CNTNAP2: variants seen among roughly 807,000 people sequenced by gnomAD.
CNTNAP2 encodes the protein contactin-associated protein-like 2.
In CNTNAP2, 98 loss-of-function variants were observed where a neutral mutation model predicts 155.2. That is an observed-to-expected ratio of 0.63 (90% CI 0.54 to 0.75). The LOEUF (loss-of-function observed/expected upper bound fraction) is 0.75, where lower values mean the gene tolerates loss of function less well. Ranked by LOEUF, CNTNAP2 falls within the 30% of genes least tolerant of loss-of-function variation. CNTNAP2 has a pLI of 0.00. For synonymous variants in CNTNAP2, 651 were observed against 631.2 expected, an observed-to-expected ratio of 1.03 and a Z score of -0.47; for missense variants, 1,727 against 1,688.1, an observed-to-expected ratio of 1.02 and a Z score of -0.40.
At chr7:146,489,458 T>C (rs1199451010) in intron 1 of CNTNAP2, among the ~76,000 whole-genome samples, 1 of 152,184 alleles carries the variant, frequency 6.6e-6, no homozygotes, top group African/African-American at 2.4e-5. Flanking sequence ...CTATAAAATA[T>C]AACTAAGTTT....
At chr7:146,611,577 A>T (rs1799138081) in intron 1 of CNTNAP2, among the ~76,000 whole-genome samples, 1 of 152,184 alleles carries the variant, frequency 6.6e-6, no homozygotes, top group African/African-American at 2.4e-5. Flanking sequence ...GCAAAGATTC[A>T]TGGTCATTGA....
intron 11 of CNTNAP2, among the ~76,000 whole-genome samples, chr7:147,502,527 G>C (rs74497508): frequency 6.6e-6 from 1 of 152,070 alleles, no homozygotes; most frequent in Non-Finnish European, 1.5e-5. Flanking sequence ...TTGATCAAAA[G>C]GTACAAACTT....
chr7:146,930,262 G>T (rs1796717633), intron 3 of CNTNAP2, among the ~76,000 whole-genome samples: 1 of 152,188 alleles, frequency 6.6e-6, no homozygotes, highest in South Asian at 2.1e-4. Flanking sequence ...CTACAAGCCA[G>T]AAGAGAGTGG....
At chr7:146,944,090 A>T (rs1176581201) in intron 3 of CNTNAP2, among the ~76,000 whole-genome samples, 1 of 151,960 alleles carries the variant, frequency 6.6e-6, no homozygotes, top group Non-Finnish European at 1.5e-5. Context: ...TGAACTTTTC[A>T]TACTAGATTT....
intron 14 of CNTNAP2, among the ~76,000 whole-genome samples, chr7:147,955,455 C>A (rs1261194583): frequency 6.6e-6 from 1 of 152,052 alleles, no homozygotes; most frequent in African/African-American, 2.4e-5. Flanking sequence ...CCATTACACA[C>A]CCATGAGTGA....
intron 1 of CNTNAP2, among the ~76,000 whole-genome samples, chr7:146,426,649 G>C (rs9771006): frequency 0.29 from 42,342 of 144,220 alleles, 6,331 homozygotes; most frequent in Admixed American, 0.43. Context: ...GCAAAACACA[G>C]TGAAACTTAC....
intron 1 of CNTNAP2, among the ~76,000 whole-genome samples, chr7:146,605,632 G>A (rs983105311): frequency 5.3e-5 from 8 of 152,146 alleles, no homozygotes; most frequent in Non-Finnish European, 1.5e-5. Flanking sequence ...TAATAATCAT[G>A]CTGAAGTATT....
rs1331987950 is a variant in CNTNAP2 at position 148,283,299 on chromosome 7, GAAA to G, written c.3475+16174_3475+16176del. On this transcript the variant is annotated intron_variant, in intron 21 of 23. Coordinates refer to ENST00000361727, the MANE Select transcript of CNTNAP2 (RefSeq NM_014141.6). ...AGAAAGAAAGAAAGAAAGAAAGAAA[GAAA>G]GAAAGGAAGGAAGGAAGGAAAGAAA... Among the ~76,000 whole-genome samples, 5 of 87,630 alleles carry G rather than the reference GAAA, an allele frequency of 5.7e-5. 1 individual carries two copies. The highest frequency in any genetic ancestry group is 3.6e-4 in the African/African-American group (5 of 13,770). The allele number at this position is 87,630 out of a possible 152,430, so 57.5% of individuals were successfully genotyped here.
intron 15 of CNTNAP2, among the ~76,000 whole-genome samples, chr7:148,106,092 C>T (rs1171416285): frequency 6.6e-6 from 1 of 152,120 alleles, no homozygotes; most frequent in Non-Finnish European, 1.5e-5. Flanking sequence ...TGGGGATTGA[C>T]TGGATGCTAA....
At chr7:147,383,570 T>C (rs1164747876) in intron 9 of CNTNAP2, among the ~76,000 whole-genome samples, 1 of 151,726 alleles carries the variant, frequency 6.6e-6, no homozygotes, top group Non-Finnish European at 1.5e-5. Flanking sequence ...AGTTGAACAA[T>C]GAGAACACAT....
intron 14 of CNTNAP2, among the ~76,000 whole-genome samples, chr7:147,945,937 G>A (rs991759968): frequency 9.9e-5 from 14 of 140,964 alleles, no homozygotes; most frequent in Admixed American, 3.8e-4. Context: ...GTGCCATCTC[G>A]GCTCATGGCA....
At chr7:146,853,548 T>C (rs74810857) in intron 3 of CNTNAP2, among the ~76,000 whole-genome samples, 6,662 of 152,286 alleles carry the variant, frequency 0.044, 464 homozygotes, top group African/African-American at 0.15. Flanking sequence ...TCAAATATCA[T>C]TGCCAATAGT....
At chr7:146,468,079 G>C (rs1464072878) in intron 1 of CNTNAP2, among the ~76,000 whole-genome samples, 5 of 152,148 alleles carry the variant, frequency 3.3e-5, no homozygotes, top group Non-Finnish European at 5.9e-5. Context: ...AGACAGTATA[G>C]AAAGATTTTG....
chr7:146,928,562 T>G (rs886510886), intron 3 of CNTNAP2, among the ~76,000 whole-genome samples: 2 of 152,124 alleles, frequency 1.3e-5, no homozygotes, highest in African/African-American at 4.8e-5. Context: ...TTCATCTCAC[T>G]AGGGAGTGCC....
chr7:146,512,283 A>G (rs1392502811), intron 1 of CNTNAP2, among the ~76,000 whole-genome samples: 1 of 151,126 alleles, frequency 6.6e-6, no homozygotes, highest in East Asian at 1.9e-4. Flanking sequence ...TCTCGATTTC[A>G]TTTATTTATT....
rs140131041 is a variant in CNTNAP2, at chr7:147,749,219, C to T, written c.2098+109913C>T. Among the ~76,000 whole-genome samples the T allele has an allele frequency of 7.2e-3, 1,103 of 152,262 alleles. 21 individuals carry two copies. The highest frequency in any genetic ancestry group is 0.026 in the African/African-American group (1,061 of 41,560). ...TATGTGTTTATGAATCAGAATTATT[C>T]AGTATCTATACTGTATTTTTGTTTA... On this transcript the variant is annotated intron_variant, in intron 13 of 23. Transcript: ENST00000361727.
chr7:147,958,480 C>T (rs1365861331), intron 14 of CNTNAP2, among the ~76,000 whole-genome samples: 1 of 152,150 alleles, frequency 6.6e-6, no homozygotes, highest in Non-Finnish European at 1.5e-5. Flanking sequence ...TCAAGGTCTT[C>T]AGATGCTCAT....
intron 3 of CNTNAP2, among the ~76,000 whole-genome samples, chr7:146,850,378 G>A (rs1311873801): frequency 1.3e-5 from 2 of 152,120 alleles, no homozygotes; most frequent in Non-Finnish European, 2.9e-5. Context: ...ATATTAATAT[G>A]CAGCTTGGAA....
chr7:148,399,751 G>A (rs190671870), intron 22 of CNTNAP2, among the ~76,000 whole-genome samples: 4 of 152,196 alleles, frequency 2.6e-5, no homozygotes, highest in Admixed American at 6.5e-5. Context: ...TAACGGAGTC[G>A]AACTGTGGGG....
Sources: allele counts gnomAD v4.1 joint callset (sites outside exome capture counted in the v4.1 genomes callset), GRCh38; gene constraint gnomAD v4.1.1; transcripts MANE v1.5; gene names NCBI Gene and HGNC (gene_info 2026-07-23, HGNC 2026-07-21).